PLD6: variants seen among roughly 807,000 people sequenced by gnomAD.
PLD6 encodes phospholipase D family member 6, also known as mitochondrial cardiolipin hydrolase.
A neutral mutation model predicts 9.7 loss-of-function variants in PLD6; 10 were observed. The observed-to-expected ratio is 1.03, with a 90% confidence interval of 0.64 to 1.75. The LOEUF is 1.75. Ranked by LOEUF, PLD6 falls within the 40% of genes most tolerant of loss-of-function variation. The pLI, the probability that PLD6 is intolerant of heterozygous loss-of-function variation, is 0.00. For synonymous variants in PLD6, 152 were observed against 159.2 expected (o/e 0.96, Z 0.34); for missense variants, 334 against 347.6 (o/e 0.96, Z 0.31).
intron 1 of PLD6, 104 bp from the exon 2 acceptor site, chr17:17,203,202 G>GCTTT: frequency 8.3e-7 from 1 of 1,212,008 alleles, no homozygotes. Flanking sequence ...AGTTTGGTGG[G>GCTTT]CCAGGAAAGC....
In PLD6 at chr17:17,205,899, C is replaced by A. The variant is rs1196645788; in HGVS notation, c.388G>T (p.Ala130Ser). 1.3e-6 allele frequency: 2 copies of A among 1,576,350 alleles called. No individual in the cohort carries two copies. Among genetic ancestry groups the A allele is most frequent in the Middle Eastern group, 1.7e-4 (1 of 6,018 alleles). Residue 130 changes from alanine (A) to serine (S), a missense_variant, in exon 1 of 2, where the codon GCC becomes TCC. Physicochemically the swap from Ala to Ser is moderately conservative, Grantham distance 99. Transcript: ENST00000321560. ...AGACCGATTTGCGAGCCGTTGAGGG[C>A]CATGTAGTCGCAGTCGGTGACGACC... is the stretch of plus-strand genomic sequence containing the variant. ...VRVVTDCDYM[A>S]LNGSQIGLLR... is the part of the protein sequence containing the mutation.
Position 17,206,240 on chromosome 17 carries a change from A to G in PLD6, c.47T>C (p.Leu16Pro). 6.5e-7 allele frequency: 1 copy of G among 1,546,112 alleles called. No individual in the cohort carries two copies. Among genetic ancestry groups the G allele is most frequent in the Non-Finnish European group, 8.6e-7 (1 of 1,157,446 alleles). Residue 16 changes from leucine (L) to proline (P), a missense_variant, in exon 1 of 2, where the codon CTG becomes CCG. Transcript: ENST00000321560. Reference sequence around the variant, plus strand: ...AGGCAGCGCCTCCAGAGTCAGAGCCAGGCCCACAGCCGCCGCGGCCGCCAC... The same window carrying G: ...AGGCAGCGCCTCCAGAGTCAGAGCCGGGCCCACAGCCGCCGCGGCCGCCAC... ...WQVAAAAAVG[L>P]ALTLEALPWV...
chr17:17,203,064 G>A lies in PLD6; in HGVS notation c.462C>T (p.Tyr154=), dbSNP rs1328110495. 1.2e-6 allele frequency: 2 copies of A among 1,614,200 alleles called. No homozygotes were observed. The highest frequency in any genetic ancestry group is 3.3e-5 in the Admixed American group (2 of 60,028). The change falls in exon 2 of 2, where the codon TAC becomes TAT. Residue 154 remains tyrosine, a synonymous_variant. Coordinates refer to ENST00000321560, the MANE Select transcript of PLD6 (RefSeq NM_178836.4). ...IQVRHDQDPG[Y]MHHKFAIVDK... is the part of the protein sequence containing the mutation. ...CCACGATGGCAAACTTGTGATGCAT[G>A]TAGCCTGGGTCTTGATCGTGCCGGA...
intron 1 of PLD6, 40 bp from the exon 2 acceptor site, chr17:17,203,138 C>G: frequency 6.3e-7 from 1 of 1,584,568 alleles, no homozygotes; most frequent in Non-Finnish European, 8.6e-7. Context: ...ATGCAGGAGT[C>G]CCGCCCCCAG....
Position 17,202,196 on chromosome 17 carries a change from G to A in PLD6, c.*571C>T, listed in dbSNP as rs2046680246. 2 of 156,188 alleles carry A rather than the reference G, an allele frequency of 1.3e-5. No individual in the cohort carries two copies. Among genetic ancestry groups the A allele is most frequent in the African/African-American group, 4.8e-5 (2 of 41,482 alleles). The allele number at this position is 156,188 out of a possible 1,614,324, so 9.7% of individuals were successfully genotyped here. A position where few individuals can be genotyped will look rare whatever the true frequency, so the allele number is the denominator to read the frequency against. On this transcript the variant is annotated 3_prime_UTR_variant, in exon 2 of 2. Coordinates refer to ENST00000321560, the MANE Select transcript of PLD6 (RefSeq NM_178836.4). Reference sequence around the variant, plus strand: ...AGCCTTTGGTGGCAATGACGCTCACGGGGTTGCCCCGAAGGCTGCTTTTGC... The same window carrying A: ...AGCCTTTGGTGGCAATGACGCTCACAGGGTTGCCCCGAAGGCTGCTTTTGC...
At chr17:17,203,145 C>A (rs2046689297) in intron 1 of PLD6, 47 bp from the exon 2 acceptor site, 1 of 1,563,648 alleles carries the variant, frequency 6.4e-7, no homozygotes, top group African/African-American at 1.4e-5. Flanking sequence ...AGTCCCGCCC[C>A]CAGTGTGGAC....
chr17:17,206,038 C>A lies in PLD6; in HGVS notation c.249G>T (p.Leu83=), dbSNP rs1485505215. ...CGCGGGCGGCCAGCAGGGCACGCAGCAGGCGGCTTAGCGCGCTCTCGCCGT... is the reference window on the plus strand; with the variant it reads ...CGCGGGCGGCCAGCAGGGCACGCAGAAGGCGGCTTAGCGCGCTCTCGCCGT... ...LPHGESALSR[L]LRALLAARAS... Residue 83 remains leucine, a synonymous_variant, in exon 1 of 2, where the codon CTG becomes CTT. Transcript: ENST00000321560. 1 of 1,536,356 alleles carries A rather than the reference C, an allele frequency of 6.5e-7. No individual in the cohort carries two copies. The highest frequency in any genetic ancestry group is 2.0e-5 in the Admixed American group (1 of 50,956).
chr17:17,204,120 A>G (rs2046697462), intron 1 of PLD6, among the ~76,000 whole-genome samples: 1 of 152,126 alleles, frequency 6.6e-6, no homozygotes, highest in Non-Finnish European at 1.5e-5. Context: ...AAACCCCACC[A>G]TCGCCCACAC....
chr17:17,203,771 G>C (rs975685343), intron 1 of PLD6, among the ~76,000 whole-genome samples: 3 of 152,202 alleles, frequency 2.0e-5, no homozygotes, highest in Non-Finnish European at 4.4e-5. Context: ...CGTCAGAAAT[G>C]GGGCTTAAAA....
chr17:17,206,126 AG>A lies in PLD6; in HGVS notation c.160del (p.Leu54CysfsTer27), dbSNP rs2144783928. On this transcript the variant is annotated frameshift_variant, in exon 1 of 2. Transcript: ENST00000321560. LOFTEE classifies it high-confidence loss of function. ...FPSQVTCTEA[L>X]LRAPGAELAE... Reference sequence around the variant, plus strand: ...CAGCTCCGCGCCCGGAGCCCGCAGCAGGGCCTCGGTACAGGTCACCTGAGAC... The same window carrying A: ...CAGCTCCGCGCCCGGAGCCCGCAGCAGGCCTCGGTACAGGTCACCTGAGAC... 1 of 1,489,254 alleles carries A rather than the reference AG, an allele frequency of 6.7e-7. No individual in the cohort carries two copies. The highest frequency in any genetic ancestry group is 2.8e-5 in the East Asian group (1 of 35,800). 92.3% of individuals were successfully genotyped at this position (1,489,254 alleles called of 1,614,324 possible).
rs1370889237 is a variant in PLD6, at chr17:17,205,936, C to T, written c.351G>A (p.Gly117=). ...AGTCGGTGACGACCCGCACTCGCAC[C>T]CCACGCTGGTGCAGCAACTGCACGG... is the stretch of plus-strand genomic sequence containing the variant. The part of the protein sequence containing the change: ...GRAVQLLHQR[G]VRVRVVTDCD... Residue 117 remains glycine, a synonymous_variant, in exon 1 of 2, where the codon GGG becomes GGA. Transcript: ENST00000321560. 1 of 1,564,828 alleles carries T rather than the reference C, an allele frequency of 6.4e-7. No homozygotes were observed. Among genetic ancestry groups the T allele is most frequent in the South Asian group, 1.2e-5 (1 of 85,150 alleles).
Position 17,205,987 on chromosome 17 carries a change from G to A in PLD6, c.300C>T (p.Ala100=). ...ARASLDLCLF[A]FSSPQLGRAV... is the part of the protein sequence containing the mutation. ...CGCGGCCCAGCTGCGGGCTGGAGAA[G>A]GCGAACAGGCAGAGATCCAGGCTGG... is the stretch of plus-strand genomic sequence containing the variant. The change falls in exon 1 of 2, where the codon GCC becomes GCT. Residue 100 remains alanine (A), a synonymous_variant. Transcript: ENST00000321560. The A allele has an allele frequency of 1.9e-6, 3 of 1,552,906 alleles. No homozygotes were observed. The highest frequency in any genetic ancestry group is 1.2e-5 in the South Asian group (1 of 84,510).
Position 17,205,938 on chromosome 17 carries a change from C to T in PLD6, c.349G>A (p.Gly117Arg). Residue 117 changes from glycine (G) to arginine (R), a missense_variant, in exon 1 of 2, where the codon GGG (glycine) becomes AGG (arginine). Coordinates refer to ENST00000321560, the MANE Select transcript of PLD6 (RefSeq NM_178836.4). The part of the protein sequence containing the change: ...GRAVQLLHQR[G>R]VRVRVVTDCD... ...TCGGTGACGACCCGCACTCGCACCC[C>T]ACGCTGGTGCAGCAACTGCACGGCG... 4 of 1,563,536 alleles carry T rather than the reference C, an allele frequency of 2.6e-6. No individual in the cohort carries two copies. Among genetic ancestry groups the T allele is most frequent in the Non-Finnish European group, 3.5e-6 (4 of 1,155,122 alleles).
At chr17:17,205,801 C>A in intron 1 of PLD6, 59 bp downstream of exon 1, 2 of 1,526,338 alleles carry the variant, frequency 1.3e-6, no homozygotes, top group Non-Finnish European at 1.8e-6. Context: ...TCCACCTTTG[C>A]GCCTAGGACC....
rs2046686498 is a variant in PLD6, at chr17:17,202,883, T to A, written c.643A>T (p.Thr215Ser). ...IWEQFNPTKY[T>S]FFPPKKSHGS... is the part of the protein sequence containing the mutation. ...TGACTTTTCTTTGGTGGGAAAAAGGTATACTTTGTAGGGTTAAACTGTTCC... is the reference window on the plus strand; with the variant it reads ...TGACTTTTCTTTGGTGGGAAAAAGGAATACTTTGTAGGGTTAAACTGTTCC... The change falls in exon 2 of 2, where the codon ACC becomes TCC. Residue 215 changes from threonine (T) to serine (S), a missense_variant. Thr to Ser is a moderately conservative substitution (Grantham distance 58, BLOSUM62 1). Coordinates refer to ENST00000321560, the MANE Select transcript of PLD6 (RefSeq NM_178836.4). 1 of 1,614,156 alleles carries A rather than the reference T, an allele frequency of 6.2e-7. No homozygotes were observed.
intron 1 of PLD6, among the ~76,000 whole-genome samples, chr17:17,204,824 C>T (rs1192210272): frequency 6.6e-6 from 1 of 152,216 alleles, no homozygotes; most frequent in African/African-American, 2.4e-5. Flanking sequence ...CACTCTGCTC[C>T]CACATGGCGT....
chr17:17,205,228 G>A (rs1597563106), intron 1 of PLD6, among the ~76,000 whole-genome samples: 2 of 152,224 alleles, frequency 1.3e-5, no homozygotes, highest in African/African-American at 4.8e-5. Context: ...CCCACCCCAT[G>A]AGAGAGGCGC....
intron 1 of PLD6, among the ~76,000 whole-genome samples, 195 bp downstream of exon 1, chr17:17,205,665 C>T (rs745990176): frequency 6.6e-6 from 1 of 152,250 alleles, no homozygotes; most frequent in Non-Finnish European, 1.5e-5. Context: ...CTCGCTTATG[C>T]CCACGCAGCC....
At chr17:17,205,718 CA>C (rs1280123044) in intron 1 of PLD6, 141 bp downstream of exon 1, 35 of 1,011,770 alleles carry the variant, frequency 3.5e-5, no homozygotes, top group Non-Finnish European at 4.8e-5. Context: ...CGCGTTACAC[CA>C]CCCCGACCCC....
Sources: allele counts gnomAD v4.1 joint callset (sites outside exome capture counted in the v4.1 genomes callset), GRCh38; gene constraint gnomAD v4.1.1; transcripts MANE v1.5; gene names NCBI Gene and HGNC (gene_info 2026-07-23, HGNC 2026-07-21).